Variants in ZNF69 observed in about 807,000 individuals in gnomAD.
The protein encoded by ZNF69 is zinc finger protein 69, also known as ZNF3.
A neutral mutation model predicts 50.9 loss-of-function variants in ZNF69; 47 were observed. That is an observed-to-expected ratio of 0.92 (90% CI 0.73 to 1.18). The LOEUF (loss-of-function observed/expected upper bound fraction) is 1.18, where lower values mean the gene tolerates loss of function less well. Ranked by LOEUF, ZNF69 falls within the 50% of genes most tolerant of loss-of-function variation. The probability of loss-of-function intolerance (pLI) is 0.00; values close to 1 mark genes in which losing one functional copy is unlikely to be tolerated. For missense variants in ZNF69, 717 were observed against 675.1 expected, an observed-to-expected ratio of 1.06 and a Z score of -0.69; for synonymous variants, 216 against 223.1, an observed-to-expected ratio of 0.97 and a Z score of 0.29.
chr19:11,954,472 C>T, the ZNF69 span, among the ~76,000 whole-genome samples: 3 of 152,198 alleles, frequency 2.0e-5, no homozygotes, highest in African/African-American at 4.8e-5. Flanking sequence ...CCCAGCTCAG[C>T]CTCCCAAAGT....
At chr19:11,892,653 G>C (rs543104777) in intron 1 of ZNF69, among the ~76,000 whole-genome samples, 1 of 152,144 alleles carries the variant, frequency 6.6e-6, no homozygotes, top group East Asian at 1.9e-4. Flanking sequence ...GGTCTTTCCT[G>C]TTTCCCTTCA....
chr19:11,890,496 A>G (rs1977059093), intron 1 of ZNF69, among the ~76,000 whole-genome samples: 1 of 152,248 alleles, frequency 6.6e-6, no homozygotes, highest in Non-Finnish European at 1.5e-5. Flanking sequence ...TTACAGATTA[A>G]CAGCATCTCA....
In ZNF69 at chr19:11,903,976, C is replaced by T; in HGVS notation, c.251+11C>T. The T allele has an allele frequency of 6.2e-7, 1 of 1,613,008 alleles. No individual in the cohort carries two copies. ...CAGGAGAAACTTCAGGTAATTTGTA[C>T]TTACAAGACAAAGCAGTGTCTCTCT... is the stretch of plus-strand genomic sequence containing the variant. On this transcript the variant is annotated intron_variant, in intron 3 of 3. Transcript: ENST00000429654.
At chr19:11,975,816 G>A in the ZNF69 span, among the ~76,000 whole-genome samples, 1 of 152,070 alleles carries the variant, frequency 6.6e-6, no homozygotes, top group African/African-American at 2.4e-5. Context: ...CAGGAAGGTT[G>A]TATAGTGGTT....
At chr19:11,925,224 G>C in the ZNF69 span, 2 of 1,612,952 alleles carry the variant, frequency 1.2e-6, no homozygotes, top group African/African-American at 2.7e-5. Flanking sequence ...CCCTGCTGTA[G>C]TCACAGGAGC....
In ZNF69 at chr19:11,906,046, G is replaced by A. The variant is rs1032300204; in HGVS notation, c.1649G>A (p.Arg550Gln). 32 of 1,613,092 alleles carry A rather than the reference G, an allele frequency of 2.0e-5. No homozygotes were observed. The highest frequency in any genetic ancestry group is 1.6e-4 in the Middle Eastern group (1 of 6,078). ...GCCTTCAGAGCTGCCTCAGTCCTTC[G>A]AATGCATGGTAGGACTCACCCTGAA... ...GKAFRAASVLRMHGRTHPEDK... is the reference protein window; with the variant it reads ...GKAFRAASVLQMHGRTHPEDK... The change falls in exon 4 of 4, where the codon CGA becomes CAA. Residue 550 changes from arginine (R) to glutamine (Q), a missense_variant. Coordinates refer to ENST00000429654, the MANE Select transcript of ZNF69 (RefSeq NM_001364730.1).
the ZNF69 span, among the ~76,000 whole-genome samples, chr19:11,936,560 T>C: frequency 1.3e-5 from 2 of 152,232 alleles, no homozygotes; most frequent in Admixed American, 6.5e-5. Flanking sequence ...GTAAGTTTGT[T>C]TGAGTTCCTT....
intron 1 of ZNF69, among the ~76,000 whole-genome samples, chr19:11,895,846 C>T (rs1300090740): frequency 6.6e-6 from 1 of 152,060 alleles, no homozygotes; most frequent in Non-Finnish European, 1.5e-5. Context: ...AACCATTTGT[C>T]GCTGCTTTTT....
chr19:11,974,137 T>TC, the ZNF69 span, among the ~76,000 whole-genome samples: 12 of 125,982 alleles, frequency 9.5e-5, no homozygotes, highest in African/African-American at 4.4e-4. Flanking sequence ...TTTCTTTCTT[T>TC]CTTTCTTTCT....
the ZNF69 span, among the ~76,000 whole-genome samples, chr19:11,946,522 G>T: frequency 3.3e-5 from 5 of 152,170 alleles, no homozygotes; most frequent in Admixed American, 6.5e-5. Flanking sequence ...CAACCACTGT[G>T]GGGGGTCTAA....
At chr19:11,902,262 G>T (rs1018774930) in intron 1 of ZNF69, among the ~76,000 whole-genome samples, 1 of 151,762 alleles carries the variant, frequency 6.6e-6, no homozygotes, top group Admixed American at 6.6e-5. Context: ...GATTACAGGC[G>T]TCAGCCACCA....
the ZNF69 span, among the ~76,000 whole-genome samples, chr19:11,925,600 C>T: frequency 6.6e-6 from 1 of 152,160 alleles, no homozygotes; most frequent in Admixed American, 6.5e-5. Flanking sequence ...CATCCTGACT[C>T]GGGTGTGGGG....
the ZNF69 span, among the ~76,000 whole-genome samples, chr19:11,973,805 G>T: frequency 6.6e-6 from 1 of 151,944 alleles, no homozygotes; most frequent in Non-Finnish European, 1.5e-5. Context: ...TTTGTGGGAG[G>T]ACTTTTGTGT....
chr19:11,924,453 AAG>A, the ZNF69 span, among the ~76,000 whole-genome samples: 1 of 151,696 alleles, frequency 6.6e-6, no homozygotes, highest in South Asian at 2.1e-4. Context: ...AAAAAAAAGA[AAG>A]AAAGAAAAGA....
At chr19:11,978,541 G>A in the ZNF69 span, 3 of 1,614,196 alleles carry the variant, frequency 1.9e-6, no homozygotes, top group East Asian at 6.7e-5. Context: ...AAGTTTTGTG[G>A]GAAAGCTGTC....
downstream of ZNF69, among the ~76,000 whole-genome samples, chr19:11,910,738 G>A (rs939245630): frequency 1.3e-5 from 2 of 152,018 alleles, no homozygotes; most frequent in Non-Finnish European, 2.9e-5. Flanking sequence ...AACCTAGGCA[G>A]TAACATTCAG....
chr19:11,947,242 A>G, the ZNF69 span: 13 of 1,614,092 alleles, frequency 8.1e-6, no homozygotes, highest in Non-Finnish European at 1.1e-5. Context: ...ACATTGCTGG[A>G]TATTTCCCAG....
At chr19:11,967,531 A>G in the ZNF69 span, among the ~76,000 whole-genome samples, 44 of 151,536 alleles carry the variant, frequency 2.9e-4, no homozygotes, top group African/African-American at 1.0e-3. Flanking sequence ...CAGCCTCCCG[A>G]GTAGCTGGAC....
At position 11,905,035 on chromosome 19, in the gene ZNF69, T is replaced by C; in HGVS notation, c.638T>C (p.Met213Thr). 3 of 1,614,092 alleles carry C rather than the reference T, an allele frequency of 1.9e-6. No individual in the cohort carries two copies. Among genetic ancestry groups the C allele is most frequent in the Non-Finnish European group, 2.5e-6 (3 of 1,180,010 alleles). Reference sequence around the variant, plus strand: ...TCAAGCATTCAAAGACACGTGGTAATGCACAGTGGGGATGGACCTTATAAA... The same window carrying C: ...TCAAGCATTCAAAGACACGTGGTAACGCACAGTGGGGATGGACCTTATAAA... ...SHSSIQRHVV[M>T]HSGDGPYKCK... Residue 213 changes from methionine (M) to threonine (T), a missense_variant, in exon 4 of 4, where the codon ATG becomes ACG. Met to Thr is a moderately conservative substitution (Grantham distance 81). Coordinates refer to ENST00000429654, the MANE Select transcript of ZNF69 (RefSeq NM_001364730.1).
Sources: gnomAD v4.1 joint callset for allele counts (sites outside exome capture counted in the v4.1 genomes callset) on GRCh38, gnomAD v4.1.1 for gene constraint, MANE v1.5 for transcripts, NCBI Gene and HGNC (gene_info 2026-07-23, HGNC 2026-07-21) for gene names.